Variants in COL21A1 observed in about 807,000 individuals in gnomAD.
COL21A1 encodes collagen type XXI alpha 1 chain.
Under a neutral mutation model 137.9 loss-of-function variants are expected in COL21A1, and 149 were observed. That is an observed-to-expected ratio of 1.08 (90% CI 0.95 to 1.24). The LOEUF (loss-of-function observed/expected upper bound fraction) is 1.24, where lower values mean the gene tolerates loss of function less well. Among genes scored for constraint, COL21A1 ranks in the 50% most tolerant of loss-of-function variants. COL21A1 has a pLI of 0.00. For missense variants in COL21A1, 1,167 were observed against 1,158.4 expected (o/e 1.01, Z -0.11); for synonymous variants, 456 against 391.5 (o/e 1.16, Z -1.95).
chr6:56,167,228 T>G (rs1167476160), intron 6 of COL21A1, among the ~76,000 whole-genome samples: 1 of 152,210 alleles, frequency 6.6e-6, no homozygotes, highest in African/African-American at 2.4e-5. Flanking sequence ...CAGAACTCAG[T>G]GAGGCTTTTT....
chr6:56,384,030 C>T (rs899756029), intron 1 of COL21A1, among the ~76,000 whole-genome samples: 2 of 152,090 alleles, frequency 1.3e-5, no homozygotes, highest in Non-Finnish European at 2.9e-5. Context: ...TTCTTAGCCC[C>T]CTTCGCACTA....
At chr6:56,184,924 T>C (rs6459128) in intron 1 of COL21A1, among the ~76,000 whole-genome samples, 98,727 of 152,014 alleles carry the variant, frequency 0.65, 32,463 homozygotes, top group East Asian at 0.86. Context: ...AGTTGTCCTA[T>C]AGATTTTCAG....
chr6:56,188,565 A>T (rs1269308274), intron 1 of COL21A1, among the ~76,000 whole-genome samples: 3 of 152,214 alleles, frequency 2.0e-5, no homozygotes, highest in Admixed American at 1.3e-4. Flanking sequence ...CAGCTTCAGC[A>T]GACTTAAATT....
intron 1 of COL21A1, among the ~76,000 whole-genome samples, chr6:56,309,028 G>A (rs187552579): frequency 6.2e-4 from 93 of 150,806 alleles, no homozygotes; most frequent in Middle Eastern, 6.8e-3. Flanking sequence ...TGTTAATCAC[G>A]CTCAGTCCTC....
At position 56,134,676 on chromosome 6, in the gene COL21A1, G is replaced by A. The variant is rs1773842023; in HGVS notation, c.1542+7109C>T. Among the ~76,000 whole-genome samples the A allele has an allele frequency of 3.9e-5, 6 of 152,194 alleles. No individual in the cohort carries two copies. The South Asian group carries it at 1.2e-3, about 32-fold the overall frequency. On this transcript the variant is annotated intron_variant, in intron 12 of 29. Coordinates refer to ENST00000244728, the MANE Select transcript of COL21A1 (RefSeq NM_030820.4). ...TCCCACTTGTGGGAGGAACCCAACGGGAGGCAATTGAATCATGGGGTGGGT... is the reference window on the plus strand; with the variant it reads ...TCCCACTTGTGGGAGGAACCCAACGAGAGGCAATTGAATCATGGGGTGGGT...
chr6:56,089,048 C>A (rs1768538174), intron 17 of COL21A1, among the ~76,000 whole-genome samples: 2 of 152,110 alleles, frequency 1.3e-5, no homozygotes, highest in Admixed American at 1.3e-4. Context: ...CCTTAACTCC[C>A]AAAATGCTGG....
At chr6:56,085,109 C>CA (rs1277105862) in intron 17 of COL21A1, among the ~76,000 whole-genome samples, 6 of 151,992 alleles carry the variant, frequency 3.9e-5, no homozygotes, top group African/African-American at 1.2e-4. Flanking sequence ...CATTTTCCCA[C>CA]AGTCATAGAA....
chr6:56,106,530 C>G (rs1770908450), intron 16 of COL21A1, among the ~76,000 whole-genome samples: 2 of 152,100 alleles, frequency 1.3e-5, no homozygotes, highest in African/African-American at 4.8e-5. Flanking sequence ...AAAGAAACTT[C>G]TAACTTCATT....
At chr6:56,082,994 T>TGTA (rs1767924004) in intron 17 of COL21A1, among the ~76,000 whole-genome samples, 1 of 151,274 alleles carries the variant, frequency 6.6e-6, no homozygotes, top group African/African-American at 2.4e-5. Flanking sequence ...ATGAAACAAT[T>TGTA]GACAAGCATT....
chr6:56,317,240 T>C lies in COL21A1; in HGVS notation c.-39+76731A>G, dbSNP rs895882421. Among the ~76,000 whole-genome samples the C allele has an allele frequency of 3.9e-5, 6 of 152,222 alleles. No homozygotes were observed. In the South Asian group the frequency reaches 1.0e-3, roughly 26 times the overall value. On this transcript the variant is annotated intron_variant, in intron 1 of 28. Coordinates refer to the COL21A1 transcript ENST00000370819. ...TTGTAGTAAAGGTGAGAGTGATGAG[T>C]TCTGAGCTCTTTACTGCTGAAACTA...
intron 1 of COL21A1, among the ~76,000 whole-genome samples, chr6:56,187,492 G>T (rs1403907809): frequency 1.3e-5 from 2 of 152,126 alleles, no homozygotes; most frequent in Admixed American, 6.5e-5. Flanking sequence ...ATAAAGATAG[G>T]CATAGAACAG....
In COL21A1 at chr6:56,069,062, C is replaced by A. The variant is rs763112285; in HGVS notation, c.2075G>T (p.Gly692Val). ...AATGCATACCTTTTTTCCTTGAATC[C>A]CGGGTAAACCCATGTATCCTGGTTC... ...PGEPGYMGLP[G>V]IQGKKGDKGN... is the part of the protein sequence containing the mutation. The change falls in exon 22 of 30, where the codon GGG becomes GTG. Residue 692 changes from glycine to valine, a missense_variant. Coordinates refer to ENST00000244728, the MANE Select transcript of COL21A1 (RefSeq NM_030820.4). 1.2e-6 allele frequency: 2 copies of A among 1,600,600 alleles called. No homozygotes were observed. Among genetic ancestry groups the A allele is most frequent in the Non-Finnish European group, 1.7e-6 (2 of 1,173,420 alleles).
intron 1 of COL21A1, among the ~76,000 whole-genome samples, chr6:56,285,992 T>C (rs1334037709): frequency 6.6e-6 from 1 of 152,184 alleles, no homozygotes; most frequent in Non-Finnish European, 1.5e-5. Context: ...ATACGGGCAG[T>C]TAATTAAATT....
intron 1 of COL21A1, among the ~76,000 whole-genome samples, chr6:56,286,408 C>T (rs141880764): frequency 2.0e-5 from 3 of 152,248 alleles, no homozygotes; most frequent in South Asian, 2.1e-4. Flanking sequence ...TACAGATACA[C>T]GTACACATAC....
chr6:56,169,119 C>T (rs1776829627), intron 5 of COL21A1, among the ~76,000 whole-genome samples: 1 of 151,972 alleles, frequency 6.6e-6, no homozygotes, highest in Non-Finnish European at 1.5e-5. Flanking sequence ...CAATATATTT[C>T]TTCAACTTGA....
At chr6:56,248,876 C>A (rs546978858), upstream of COL21A1, among the ~76,000 whole-genome samples, 3 of 152,180 alleles carry the variant, frequency 2.0e-5, no homozygotes, top group Non-Finnish European at 4.4e-5. Flanking sequence ...AAAGCACAAG[C>A]AATTCAAGAA....
intron 17 of COL21A1, among the ~76,000 whole-genome samples, chr6:56,095,004 T>A (rs918725063): frequency 6.6e-6 from 1 of 152,192 alleles, no homozygotes; most frequent in Non-Finnish European, 1.5e-5. Flanking sequence ...GAAGTTAAGA[T>A]CTGATATTTC....
chr6:56,352,699 T>C (rs1234024701), intron 1 of COL21A1, among the ~76,000 whole-genome samples: 1 of 152,116 alleles, frequency 6.6e-6, no homozygotes, highest in Non-Finnish European at 1.5e-5. Context: ...CTATCCTCAC[T>C]AGTATAATGG....
At chr6:56,068,154 T>G (rs1238536701) in intron 22 of COL21A1, among the ~76,000 whole-genome samples, 2 of 151,652 alleles carry the variant, frequency 1.3e-5, no homozygotes. Context: ...CACTTCTGTC[T>G]CAGCTAGTGC....
Sources: gnomAD v4.1 joint callset for allele counts (sites outside exome capture counted in the v4.1 genomes callset) on GRCh38, gnomAD v4.1.1 for gene constraint, MANE v1.5 for transcripts, NCBI Gene and HGNC (gene_info 2026-07-23, HGNC 2026-07-21) for gene names.